Variants in GPHN observed in about 807,000 individuals in gnomAD.
GPHN encodes gephyrin.
Under a neutral mutation model 95.5 loss-of-function variants are expected in GPHN, and 17 were observed. The observed-to-expected ratio is 0.18, with a 90% confidence interval of 0.12 to 0.27. The LOEUF (loss-of-function observed/expected upper bound fraction) is 0.27, where lower values mean the gene tolerates loss of function less well. GPHN is among the 10% of genes least tolerant of loss of function. The pLI is 1.00. For missense variants in GPHN, 660 were observed against 978.1 expected (o/e 0.67, Z 4.34); for synonymous variants, 320 against 322.5 (o/e 0.99, Z 0.08).
At position 66,524,879 on chromosome 14, in the gene GPHN, C is replaced by G. The variant is rs115299995; in HGVS notation, c.64+16288C>G. Among the ~76,000 whole-genome samples, 593 of 151,882 alleles carry G rather than the reference C, an allele frequency of 3.9e-3. 5 individuals are homozygous for G. Among genetic ancestry groups the G allele is most frequent in the African/African-American group, 0.014 (571 of 41,540 alleles). On this transcript the variant is annotated intron_variant, in intron 1 of 22. Coordinates refer to ENST00000478722, the MANE Select transcript of GPHN (RefSeq NM_020806.5). ...TTCTACCGTGTATATGTGCCAACTTCTCTTTATCCAGTCTATCATTGATGG... is the reference window on the plus strand; with the variant it reads ...TTCTACCGTGTATATGTGCCAACTTGTCTTTATCCAGTCTATCATTGATGG...
At chr14:67,024,768 G>A (rs1011472457) in intron 10 of GPHN, among the ~76,000 whole-genome samples, 2 of 152,096 alleles carry the variant, frequency 1.3e-5, no homozygotes, top group African/African-American at 2.4e-5. Flanking sequence ...AATGTTCAGG[G>A]TTTTTATTGG....
At chr14:67,559,185 A>G in the GPHN span, among the ~76,000 whole-genome samples, 1 of 152,146 alleles carries the variant, frequency 6.6e-6, no homozygotes, top group Non-Finnish European at 1.5e-5. Flanking sequence ...AGTTATCTGC[A>G]ATTTTGCCTT....
intron 4 of GPHN, among the ~76,000 whole-genome samples, chr14:66,825,185 G>A (rs143976735): frequency 7.4e-4 from 112 of 152,048 alleles, no homozygotes; most frequent in African/African-American, 2.7e-3. Context: ...ATATGGGGGG[G>A]GATGTATTTT....
chr14:67,526,371 T>G, the GPHN span, among the ~76,000 whole-genome samples: 3 of 152,380 alleles, frequency 2.0e-5, no homozygotes, highest in Middle Eastern at 3.4e-3. Flanking sequence ...GTAGGTAAGA[T>G]GCCTGCTTGG....
chr14:66,618,929 C>G (rs2063167378), intron 1 of GPHN, among the ~76,000 whole-genome samples: 1 of 152,156 alleles, frequency 6.6e-6, no homozygotes, highest in Non-Finnish European at 1.5e-5. Context: ...TTTGTTCTCC[C>G]TTATCTCCAT....
At chr14:66,928,426 T>C (rs930871192) in intron 8 of GPHN, among the ~76,000 whole-genome samples, 15 of 152,150 alleles carry the variant, frequency 9.9e-5, no homozygotes, top group Non-Finnish European at 2.2e-4. Context: ...TTTTCTTCTT[T>C]GGCTAAAGAT....
intron 3 of GPHN, among the ~76,000 whole-genome samples, chr14:66,791,847 T>A (rs1344728309): frequency 6.6e-6 from 1 of 152,174 alleles, no homozygotes; most frequent in Non-Finnish European, 1.5e-5. Flanking sequence ...ATGCTCCTAA[T>A]AAAGACATAG....
the GPHN span, among the ~76,000 whole-genome samples, chr14:67,404,746 G>C: frequency 3.3e-5 from 5 of 151,796 alleles, no homozygotes; most frequent in East Asian, 9.7e-4. Flanking sequence ...GGAGGTCGAG[G>C]CTGCAGTAAG....
chr14:66,754,886 C>A (rs1201362349), intron 2 of GPHN, among the ~76,000 whole-genome samples: 1 of 151,904 alleles, frequency 6.6e-6, no homozygotes, highest in Non-Finnish European at 1.5e-5. Flanking sequence ...GTTTTTCCTG[C>A]ACTGTTATGG....
rs543420158 is a variant in GPHN, at chr14:67,175,575, C to T, written c.2080-4003C>T. Among the ~76,000 whole-genome samples, 13 of 152,098 alleles carry T rather than the reference C, an allele frequency of 8.5e-5. No homozygotes were observed. In the South Asian group the frequency reaches 2.7e-3, roughly 32 times the overall value. Reference sequence around the variant, plus strand: ...TGGCACTGAGGGCTCTTTTTTGGTTCCATATGAACTTTAAAGTAGTTTTTT... The same window carrying T: ...TGGCACTGAGGGCTCTTTTTTGGTTTCATATGAACTTTAAAGTAGTTTTTT... On this transcript the variant is annotated intron_variant, in intron 21 of 22. Coordinates refer to ENST00000478722, the MANE Select transcript of GPHN (RefSeq NM_020806.5).
the GPHN span, among the ~76,000 whole-genome samples, chr14:67,409,601 A>C: frequency 2.0e-5 from 3 of 147,762 alleles, no homozygotes; most frequent in East Asian, 2.0e-4. Flanking sequence ...CCCTCTCCCC[A>C]CTCCCCTGAC....
At chr14:67,713,397 CAAAAAAAAA>C in the GPHN span, among the ~76,000 whole-genome samples, 5 of 47,634 alleles carry the variant, frequency 1.0e-4, no homozygotes, top group Non-Finnish European at 2.1e-4. Context: ...AGTAAAACTC[CAAAAAAAAA>C]AAAAAAAAAA....
At chr14:67,387,301 G>T in the GPHN span, 2 of 1,594,574 alleles carry the variant, frequency 1.3e-6, no homozygotes, top group South Asian at 2.3e-5. Context: ...TGGTAGGAGG[G>T]AGGAATCCTG....
the GPHN span, among the ~76,000 whole-genome samples, chr14:67,427,118 G>A: frequency 1.3e-5 from 2 of 152,042 alleles, no homozygotes; most frequent in Non-Finnish European, 2.9e-5. Flanking sequence ...ATTGTGTCAC[G>A]CGGGGGAGGG....
the GPHN span, chr14:67,515,221 A>G: frequency 6.6e-6 from 1 of 151,622 alleles, no homozygotes; most frequent in African/African-American, 2.4e-5. Context: ...GCTCTCCTGC[A>G]CCGCCTGCTC....
chr14:66,696,047 A>G (rs2068080300), intron 2 of GPHN, among the ~76,000 whole-genome samples: 1 of 152,222 alleles, frequency 6.6e-6, no homozygotes, highest in Non-Finnish European at 1.5e-5. Flanking sequence ...ATCAGTGGTA[A>G]TAAATGTGCC....
At chr14:67,558,498 C>T in the GPHN span, among the ~76,000 whole-genome samples, 1 of 152,198 alleles carries the variant, frequency 6.6e-6, no homozygotes, top group Non-Finnish European at 1.5e-5. Context: ...TGATTTTAGA[C>T]ATACCTTCTC....
At chr14:66,751,513 C>T (rs1307104177) in intron 2 of GPHN, among the ~76,000 whole-genome samples, 2 of 152,132 alleles carry the variant, frequency 1.3e-5, no homozygotes, top group South Asian at 2.1e-4. Flanking sequence ...CTGTTCATGT[C>T]GTTTGCCCAC....
intron 1 of GPHN, among the ~76,000 whole-genome samples, chr14:66,572,255 G>A (rs2140373329): frequency 6.6e-6 from 1 of 152,306 alleles, no homozygotes; most frequent in African/African-American, 2.4e-5. Context: ...GTCGTTCCAT[G>A]TGAATTTTAG....
Sources: gnomAD v4.1 joint callset for allele counts (sites outside exome capture counted in the v4.1 genomes callset) on GRCh38, gnomAD v4.1.1 for gene constraint, MANE v1.5 for transcripts, NCBI Gene and HGNC (gene_info 2026-07-23, HGNC 2026-07-21) for gene names.